The following NANOGNB variants were observed in gnomAD, a reference collection of about 807,000 sequenced individuals.
NANOGNB encodes homeobox C14.
Under a neutral mutation model 25.0 loss-of-function variants are expected in NANOGNB, and 30 were observed. The observed-to-expected ratio is 1.20, with a 90% confidence interval of 0.90 to 1.63. The LOEUF is 1.63. Among genes scored for constraint, NANOGNB ranks in the 40% most tolerant of loss-of-function variants. The pLI, the probability that NANOGNB is intolerant of heterozygous loss-of-function variation, is 0.00. For missense variants in NANOGNB, 200 were observed against 188.1 expected, an observed-to-expected ratio of 1.06 and a Z score of -0.37; for synonymous variants, 84 against 62.1, an observed-to-expected ratio of 1.35 and a Z score of -1.66.
At chr12:7,771,259 C>T (rs750194028) in intron 3 of NANOGNB, among the ~76,000 whole-genome samples, 10 of 152,098 alleles carry the variant, frequency 6.6e-5, no homozygotes, top group South Asian at 2.1e-4. Context: ...CTTGCGCTCT[C>T]GCCCAGGCTG....
rs1364264925 is a variant in NANOGNB, at chr12:7,774,101, A to G, written c.*250A>G. ...AATGGATGTTAATTGATTTTATTTA[A>G]GAAAAAAAATCGAGTCAAGGCCGGG... On this transcript the variant is annotated 3_prime_UTR_variant, in exon 4 of 4. Transcript: ENST00000382119. The G allele has an allele frequency of 3.2e-6, 1 of 315,330 alleles. No homozygotes were observed. Among genetic ancestry groups the G allele is most frequent in the Non-Finnish European group, 5.7e-6 (1 of 175,896 alleles). The allele number at this position is 315,330 out of a possible 1,614,324, so 19.5% of individuals were successfully genotyped here.
At chr12:7,771,949 C>T (rs1208619674) in intron 3 of NANOGNB, among the ~76,000 whole-genome samples, 17 of 152,124 alleles carry the variant, frequency 1.1e-4, no homozygotes, top group Admixed American at 1.1e-3. Flanking sequence ...AAATATGGTG[C>T]ACCCGGTTAT....
chr12:7,772,205 C>A (rs931952102), intron 3 of NANOGNB, among the ~76,000 whole-genome samples: 1 of 152,176 alleles, frequency 6.6e-6, no homozygotes, highest in Non-Finnish European at 1.5e-5. Flanking sequence ...ATTGGCTATG[C>A]GTACCCCTCT....
rs1308232216 is a variant in NANOGNB at position 7,770,500 on chromosome 12, A to G, written c.497A>G (p.His166Arg). ...KYNKEMSKRK[H>R]KKKHMRWRSL... ...AATAAAGAAATGTCCAAGAGAAAGC[A>G]TAAGAAAAAACATATGAGGTAAGAA... The change falls in exon 3 of 4, where the codon CAT becomes CGT. Residue 166 changes from histidine to arginine, a missense_variant. Transcript: ENST00000382119. 1 of 1,505,264 alleles carries G rather than the reference A, an allele frequency of 6.6e-7. No homozygotes were observed. Among genetic ancestry groups the G allele is most frequent in the Non-Finnish European group, 9.0e-7 (1 of 1,108,648 alleles). 93.2% of individuals were successfully genotyped at this position (1,505,264 alleles called of 1,614,324 possible). A position where few individuals can be genotyped will look rare whatever the true frequency, so the allele number is the denominator to read the frequency against.
chr12:7,766,208 C>T (rs1865242893), intron 1 of NANOGNB: 1 of 398,646 alleles, frequency 2.5e-6, no homozygotes, highest in African/African-American at 2.1e-5. Context: ...CAGTGGCTCA[C>T]ACCTCAAATC....
rs114009225 is a variant in NANOGNB at position 7,770,995 on chromosome 12, C to T, written c.515+477C>T. Among the ~76,000 whole-genome samples, 866 of 152,320 alleles carry T rather than the reference C, an allele frequency of 5.7e-3. 6 individuals are homozygous for T. Among genetic ancestry groups the T allele is most frequent in the African/African-American group, 0.02 (811 of 41,574 alleles). ...CACTCTACTCAAAACACCACACAGG[C>T]ACACACTCACATATGCATGCCACCA... On this transcript the variant is annotated intron_variant, in intron 3 of 3. Coordinates refer to ENST00000382119, the MANE Select transcript of NANOGNB (RefSeq NM_001145465.1).
intron 3 of NANOGNB, among the ~76,000 whole-genome samples, chr12:7,772,064 A>G (rs1030085130): frequency 1.3e-5 from 2 of 152,198 alleles, no homozygotes; most frequent in Non-Finnish European, 2.9e-5. Context: ...ACCGACAAGA[A>G]TAGAACTCCA....
At chr12:7,773,773 CTTTT>C (rs34408824) in intron 3 of NANOGNB, 23 bp from the exon 4 acceptor site, 175 of 518,092 alleles carry the variant, frequency 3.4e-4, no homozygotes, top group Admixed American at 5.7e-4. Context: ...TTGCGAAACT[CTTTT>C]TTTTTTTTTT....
chr12:7,772,366 CT>C (rs1191651668), intron 3 of NANOGNB, among the ~76,000 whole-genome samples: 1 of 151,956 alleles, frequency 6.6e-6, no homozygotes, highest in Non-Finnish European at 1.5e-5. Flanking sequence ...CAAGCTCTGT[CT>C]CCCAGGTTCA....
rs34408824 is a variant in NANOGNB at position 7,773,773 on chromosome 12, CTTTTTTTTTT to C, written c.516-16_516-7del. The C allele has an allele frequency of 1.9e-6, 1 of 518,700 alleles. No individual in the cohort carries two copies. Among genetic ancestry groups the C allele is most frequent in the Non-Finnish European group, 3.3e-6 (1 of 304,862 alleles). 32.1% of individuals were successfully genotyped at this position (518,700 alleles called of 1,614,324 possible). On this transcript the variant is annotated splice_polypyrimidine_tract_variant and intron_variant, in intron 3 of 3. Coordinates refer to ENST00000382119, the MANE Select transcript of NANOGNB (RefSeq NM_001145465.1). Reference sequence around the variant, plus strand: ...AATATATAGACTGTGTTGCGAAACTCTTTTTTTTTTTTTTTTTTTTAAACAGATGGAGATC... The same window carrying C: ...AATATATAGACTGTGTTGCGAAACTCTTTTTTTTTTAAACAGATGGAGATC...
chr12:7,768,831 C>T (rs1474367874), intron 1 of NANOGNB, among the ~76,000 whole-genome samples: 4 of 151,976 alleles, frequency 2.6e-5, no homozygotes, highest in South Asian at 2.1e-4. Flanking sequence ...CGCGCCCGGC[C>T]GGCATATTTC....
intron 1 of NANOGNB, among the ~76,000 whole-genome samples, chr12:7,767,567 A>AT (rs1865256362): frequency 2.0e-5 from 3 of 152,096 alleles, no homozygotes; most frequent in Middle Eastern, 3.4e-3. Flanking sequence ...TAAATACATT[A>AT]TTTTTTTAAA....
At chr12:7,771,547 CGT>C (rs956330660) in intron 3 of NANOGNB, among the ~76,000 whole-genome samples, 17 of 151,896 alleles carry the variant, frequency 1.1e-4, no homozygotes, top group Middle Eastern at 3.5e-3. Context: ...AGCACTAGAC[CGT>C]ATATAGAATT....
At chr12:7,771,775 T>C (rs1247645655) in intron 3 of NANOGNB, among the ~76,000 whole-genome samples, 1 of 151,848 alleles carries the variant, frequency 6.6e-6, no homozygotes, top group East Asian at 1.9e-4. Context: ...CACGCGCCAC[T>C]ATGCCCAGCT....
At chr12:7,769,632 T>G (rs995788886) in intron 1 of NANOGNB, among the ~76,000 whole-genome samples, 1 of 151,710 alleles carries the variant, frequency 6.6e-6, no homozygotes, top group African/African-American at 2.4e-5. Flanking sequence ...GTTAAAGTGA[T>G]CCTCCTGCCT....
At chr12:7,773,773 CTTTTT>C (rs34408824) in intron 3 of NANOGNB, 22 bp from the exon 4 acceptor site, 84 of 518,764 alleles carry the variant, frequency 1.6e-4, no homozygotes, top group African/African-American at 9.3e-4. Context: ...TTGCGAAACT[CTTTTT>C]TTTTTTTTTT....
chr12:7,766,251 G>T, intron 1 of NANOGNB: 1 of 397,846 alleles, frequency 2.5e-6, no homozygotes, highest in South Asian at 1.3e-4. Flanking sequence ...GGGGCAGATC[G>T]CTTGAGCTCA....
rs1045545449 is a variant in NANOGNB at position 7,769,980 on chromosome 12, C to G, written c.103-3C>G. The G allele has an allele frequency of 6.7e-7, 1 of 1,494,134 alleles. No individual in the cohort carries two copies. The highest frequency in any genetic ancestry group is 1.3e-5 in the South Asian group (1 of 74,344). 92.6% of individuals were successfully genotyped at this position (1,494,134 alleles called of 1,614,324 possible). On this transcript the variant is annotated splice_region_variant and splice_polypyrimidine_tract_variant and intron_variant, in intron 1 of 3. Transcript: ENST00000382119. ...ATTTTATTCCACGGATCTTTTTATA[C>G]AGAAACAATCAGCTATGCCTTGGGA...
chr12:7,771,878 C>T (rs917526386), intron 3 of NANOGNB, among the ~76,000 whole-genome samples: 1 of 152,132 alleles, frequency 6.6e-6, no homozygotes, highest in Non-Finnish European at 1.5e-5. Flanking sequence ...GCCTCGGCCT[C>T]CCAAAGTGCT....
Sources: allele counts gnomAD v4.1 joint callset (sites outside exome capture counted in the v4.1 genomes callset), GRCh38; gene constraint gnomAD v4.1.1; transcripts MANE v1.5; gene names NCBI Gene and HGNC (gene_info 2026-07-23, HGNC 2026-07-21).